PUDP: variants seen among roughly 807,000 people sequenced by gnomAD.
PUDP encodes the protein pseudouridine 5'-phosphatase.
PUDP carries 8 observed loss-of-function variants against 9.4 expected under a neutral mutation model. The ratio of observed to expected loss-of-function variants is 0.85; its 90% CI spans 0.50 to 1.53. The LOEUF is 1.53. Ranked by LOEUF, PUDP falls within the 40% of genes most tolerant of loss-of-function variation. The probability of loss-of-function intolerance (pLI) is 0.00; values close to 1 mark genes in which losing one functional copy is unlikely to be tolerated. For missense variants in PUDP, 188 were observed against 189.7 expected (o/e 0.99, Z 0.05); for synonymous variants, 99 against 80.7 (o/e 1.23, Z -1.22).
intron 1 of PUDP, among the ~76,000 whole-genome samples, chrX:6,985,014 G>A (rs1929085453): frequency 8.9e-6 from 1 of 111,812 alleles, no homozygotes; most frequent in Non-Finnish European, 1.9e-5. Flanking sequence ...TTTTGGGTTG[G>A]TCAAAAGCCT....
chrX:7,144,211 A>C (rs754847874), intron 1 of PUDP, among the ~76,000 whole-genome samples: 1 of 112,119 alleles, frequency 8.9e-6, no homozygotes, highest in African/African-American at 3.2e-5. Context: ...ACTTGATAAC[A>C]TCAAGTAGTA....
chrX:6,978,412 T>G (rs1226893504), intron 1 of PUDP, among the ~76,000 whole-genome samples: 1 of 112,298 alleles, frequency 8.9e-6, no homozygotes, highest in Non-Finnish European at 1.9e-5. Context: ...GTATTCATTT[T>G]TCCCTGTGCT....
At chrX:6,997,744 G>A (rs1026140674) in intron 1 of PUDP, among the ~76,000 whole-genome samples, 2 of 112,001 alleles carry the variant, frequency 1.8e-5, no homozygotes, top group African/African-American at 3.2e-5. Flanking sequence ...GGCAGAGGGA[G>A]TTGAGAGAGG....
intron 3 of PUDP, among the ~76,000 whole-genome samples, chrX:6,769,687 T>C (rs947051566): frequency 3.6e-5 from 4 of 112,442 alleles, no homozygotes; most frequent in African/African-American, 1.3e-4. Flanking sequence ...ATTGCAAAGG[T>C]ACGTTATCAT....
intron 3 of PUDP, among the ~76,000 whole-genome samples, chrX:7,073,269 T>C (rs1930798455): frequency 8.9e-6 from 1 of 112,289 alleles, no homozygotes; most frequent in South Asian, 3.7e-4. Context: ...CAGTGAAAAC[T>C]TGATTCTTTA....
At chrX:6,861,157 T>C (rs1926995934) in intron 3 of PUDP, among the ~76,000 whole-genome samples, 1 of 111,900 alleles carries the variant, frequency 8.9e-6, no homozygotes, top group African/African-American at 3.2e-5. Context: ...TAATACCCTC[T>C]ACTTCTCTTC....
At chrX:6,824,931 TTTG>T (rs1926401514) in intron 3 of PUDP, among the ~76,000 whole-genome samples, 1 of 112,013 alleles carries the variant, frequency 8.9e-6, no homozygotes, top group Non-Finnish European at 1.9e-5. Flanking sequence ...TGGAAGACGG[TTTG>T]TTGTTTACTG....
At chrX:6,789,390 G>T (rs923311711) in intron 3 of PUDP, among the ~76,000 whole-genome samples, 4 of 111,753 alleles carry the variant, frequency 3.6e-5, no homozygotes, top group African/African-American at 1.3e-4. Context: ...TGAGGTTCAA[G>T]CCATAGGCAG....
chrX:6,708,459 G>A (rs906182928), intron 1 of PUDP, among the ~76,000 whole-genome samples: 1 of 111,809 alleles, frequency 8.9e-6, no homozygotes, highest in Non-Finnish European at 1.9e-5. Context: ...GGAGATTAAT[G>A]AGATTGTATC....
At chrX:6,804,635 G>A (rs1282630146) in intron 3 of PUDP, among the ~76,000 whole-genome samples, 1 of 111,444 alleles carries the variant, frequency 9.0e-6, no homozygotes, top group Non-Finnish European at 1.9e-5. Flanking sequence ...GAGATGTGGA[G>A]TCTGTGCAGG....
intron 3 of PUDP, among the ~76,000 whole-genome samples, chrX:6,788,810 C>T (rs958852995): frequency 8.9e-6 from 1 of 112,525 alleles, no homozygotes; most frequent in Non-Finnish European, 1.9e-5. Context: ...TATCACTTTG[C>T]TATTTCTCTT....
rs145817769 is a variant in PUDP at position 6,891,049 on chromosome X, G to A, written c.*247+86084C>T. Among the ~76,000 whole-genome samples the A allele has an allele frequency of 1.0e-4, 11 of 108,930 alleles. No individual in the cohort carries two copies. In the East Asian group the frequency reaches 3.2e-3, roughly 31 times the overall value. The allele number at this position is 108,930 out of a possible 115,157, so 94.6% of individuals were successfully genotyped here. A position where few individuals can be genotyped will look rare whatever the true frequency, so the allele number is the denominator to read the frequency against. On this transcript the variant is annotated intron_variant and NMD_transcript_variant, in intron 3 of 3. Coordinates refer to the PUDP transcript ENST00000655425. ...GGAGGATCACTTGAGCTCAGGAGTT[G>A]GAAGCTGCAGTGAGCTGATTGCACC...
At chrX:7,056,739 G>GA (rs1282066016) in intron 3 of PUDP, among the ~76,000 whole-genome samples, 2 of 111,604 alleles carry the variant, frequency 1.8e-5, no homozygotes, top group East Asian at 5.6e-4. Context: ...ACAGGACTTA[G>GA]AGCCACAAAG....
rs1335721806 is a variant in PUDP, at chrX:6,808,376, C to G, written c.*248-101910G>C. Among the ~76,000 whole-genome samples, 7 of 111,975 alleles carry G rather than the reference C, an allele frequency of 6.3e-5. No homozygotes were observed. In the Admixed American group the frequency reaches 6.7e-4, roughly 11 times the overall value. On this transcript the variant is annotated intron_variant and NMD_transcript_variant, in intron 3 of 3. Coordinates refer to the PUDP transcript ENST00000655425. Reference sequence around the variant, plus strand: ...CTTGGCAAAACTTTAGGCTTCATCTCTATTAGAAAACCTATAAAAAATTCA... The same window carrying G: ...CTTGGCAAAACTTTAGGCTTCATCTGTATTAGAAAACCTATAAAAAATTCA...
chrX:6,800,715 G>A (rs1474096408), intron 3 of PUDP, among the ~76,000 whole-genome samples: 3 of 111,447 alleles, frequency 2.7e-5, no homozygotes, highest in Non-Finnish European at 5.6e-5. Flanking sequence ...GAGTGATGGC[G>A]AACATCTCCT....
chrX:6,733,597 C>G (rs750134987), intron 3 of PUDP, among the ~76,000 whole-genome samples: 11 of 109,180 alleles, frequency 1.0e-4, no homozygotes, highest in African/African-American at 3.3e-4. Context: ...GAGGCTTCTG[C>G]AGGAATCCAG....
At chrX:6,708,321 G>A (rs1924493546) in intron 1 of PUDP, among the ~76,000 whole-genome samples, 1 of 111,634 alleles carries the variant, frequency 9.0e-6, no homozygotes, top group Non-Finnish European at 1.9e-5. Flanking sequence ...TCCAAAATAA[G>A]ACTTGTCTCT....
intron 3 of PUDP, chrX:7,057,752 G>A (rs1215983125): frequency 3.2e-5 from 37 of 1,154,725 alleles, no homozygotes; most frequent in Non-Finnish European, 4.1e-5. Flanking sequence ...ACAGAAGGAG[G>A]AGCGCTGAGA....
At chrX:6,922,795 C>T (rs760087346) in intron 3 of PUDP, among the ~76,000 whole-genome samples, 2 of 112,214 alleles carry the variant, frequency 1.8e-5, no homozygotes, top group Non-Finnish European at 3.8e-5. Flanking sequence ...GCTTCTCTCT[C>T]CTTCTCTACT....
Sources: gnomAD v4.1 joint callset for allele counts (sites outside exome capture counted in the v4.1 genomes callset) on GRCh38, gnomAD v4.1.1 for gene constraint, MANE v1.5 for transcripts, NCBI Gene and HGNC (gene_info 2026-07-23, HGNC 2026-07-21) for gene names.